The following LRRK2 variants were observed in gnomAD, a reference collection of about 807,000 sequenced individuals.
LRRK2 encodes the protein leucine rich repeat kinase 2.
A neutral mutation model predicts 302.6 loss-of-function variants in LRRK2; 203 were observed. That is an observed-to-expected ratio of 0.67 (90% CI 0.60 to 0.75). LRRK2 has a LOEUF of 0.75. Ranked by LOEUF, LRRK2 falls within the 30% of genes least tolerant of loss-of-function variation. The pLI is 0.00. For missense variants in LRRK2, 2,830 were observed against 2,951.0 expected, an observed-to-expected ratio of 0.96 and a Z score of 0.95; for synonymous variants, 1,066 against 1,031.9, an observed-to-expected ratio of 1.03 and a Z score of -0.63.
At chr12:40,300,327 T>C (rs1944577674) in intron 25 of LRRK2, among the ~76,000 whole-genome samples, 1 of 152,202 alleles carries the variant, frequency 6.6e-6, no homozygotes, top group African/African-American at 2.4e-5. Context: ...TTCATTTGTA[T>C]CCTAAATGAA....
chr12:40,249,268 T>G (rs557058846), intron 7 of LRRK2, among the ~76,000 whole-genome samples: 53 of 152,034 alleles, frequency 3.5e-4, no homozygotes, highest in African/African-American at 1.3e-3. Context: ...AGAGTGGGTA[T>G]AAAAAGGTAT....
At chr12:40,332,980 G>T (rs1449461183) in intron 39 of LRRK2, among the ~76,000 whole-genome samples, 3 of 146,604 alleles carry the variant, frequency 2.0e-5, no homozygotes, top group Non-Finnish European at 4.5e-5. Flanking sequence ...AAAAGAAAAA[G>T]ACAACAACAA....
chr12:40,308,112 G>T (rs1236892841), intron 28 of LRRK2, among the ~76,000 whole-genome samples: 1 of 152,016 alleles, frequency 6.6e-6, no homozygotes, highest in East Asian at 1.9e-4. Context: ...ACTATTTAAA[G>T]ACATTAGAAT....
intron 12 of LRRK2, 29 bp from the exon 13 acceptor site, chr12:40,259,451 C>G: frequency 1.2e-6 from 2 of 1,612,424 alleles, no homozygotes; most frequent in Non-Finnish European, 1.7e-6. Flanking sequence ...ATCAGTCTTT[C>G]AATAAGCATG....
At chr12:40,255,021 G>T (rs902112577) in intron 11 of LRRK2, among the ~76,000 whole-genome samples, 5 of 152,094 alleles carry the variant, frequency 3.3e-5, no homozygotes, top group African/African-American at 1.2e-4. Context: ...TGCGTCCTTG[G>T]AATCATGGAG....
rs66513412 is a variant in LRRK2, at chr12:40,348,202, AT to A, written c.6281-206del. ...CGTTATTTGGGTCTCTTTTTATTCC[AT>A]AAAAAAAAAATCTTTTCCACATCTC... On this transcript the variant is annotated intron_variant, in intron 42 of 50. Transcript: ENST00000298910. Among the ~76,000 whole-genome samples the A allele has an allele frequency of 0.5, 75,429 of 151,602 alleles. 18,835 individuals carry two copies. The highest frequency in any genetic ancestry group is 0.59 in the South Asian group (2,842 of 4,818).
intron 34 of LRRK2, 29 bp downstream of exon 34, chr12:40,320,204 T>A (rs201582886): frequency 1.3e-5 from 20 of 1,549,304 alleles, no homozygotes; most frequent in Non-Finnish European, 1.8e-5. Context: ...AATTAATTGC[T>A]ACATGGAAAT....
At chr12:40,346,513 TA>T (rs1276507589) in intron 41 of LRRK2, among the ~76,000 whole-genome samples, 1 of 152,242 alleles carries the variant, frequency 6.6e-6, no homozygotes. Context: ...AGATTGAAGA[TA>T]TTTATAATAA....
intron 2 of LRRK2, among the ~76,000 whole-genome samples, chr12:40,228,433 C>CTTTTTT (rs35333613): frequency 1.0e-4 from 2 of 19,316 alleles, no homozygotes; most frequent in African/African-American, 2.5e-4. Context: ...AAAAATAAGA[C>CTTTTTT]TTTTTTTTTT....
intron 43 of LRRK2, among the ~76,000 whole-genome samples, chr12:40,349,321 C>T (rs1280096590): frequency 6.6e-6 from 1 of 152,084 alleles, no homozygotes; most frequent in Non-Finnish European, 1.5e-5. Context: ...ATAATGATCT[C>T]CTCTCCCTAT....
At chr12:40,298,645 A>G in intron 24 of LRRK2, 152 bp downstream of exon 24, 1 of 953,540 alleles carries the variant, frequency 1.0e-6, no homozygotes. Context: ...GGTGGTGCGC[A>G]CCTTATAATC....
chr12:40,302,811 T>A lies in LRRK2; in HGVS notation c.3519T>A (p.Pro1173=). ...TAGCTGCTATGCCTTTCTTGCCTCC[T>A]TCTATGACAATCCTAAAATTATCTC... ...NFLAAMPFLP[P]SMTILKLSQN... Residue 1173 remains proline, a synonymous_variant, in exon 26 of 51, where the codon CCT becomes CCA. Transcript: ENST00000298910. 1 of 1,610,932 alleles carries A rather than the reference T, an allele frequency of 6.2e-7. No homozygotes were observed. Among genetic ancestry groups the A allele is most frequent in the Non-Finnish European group, 8.5e-7 (1 of 1,177,552 alleles).
At position 40,231,984 on chromosome 12, in the gene LRRK2, A is replaced by G. The variant is rs553535783; in HGVS notation, c.238-290A>G. ...ATGCCTGGCTAATTTTTGTATTTTT[A>G]GTAGAGACTGGGTTTCACCATCTTG... On this transcript the variant is annotated intron_variant, in intron 2 of 50. Coordinates refer to ENST00000298910, the MANE Select transcript of LRRK2 (RefSeq NM_198578.4). Among the ~76,000 whole-genome samples the G allele has an allele frequency of 2.0e-5, 3 of 151,746 alleles. No homozygotes were observed. The South Asian group carries it at 6.2e-4, about 32-fold the overall frequency.
intron 4 of LRRK2, 79 bp downstream of exon 4, chr12:40,235,793 G>GTGT (rs1555173379): frequency 8.6e-5 from 40 of 464,444 alleles, no homozygotes; most frequent in Middle Eastern, 6.2e-4. Context: ...GTGTGTGTGT[G>GTGT]TTTTTTTTTT....
intron 25 of LRRK2, 22 bp downstream of exon 25, chr12:40,299,279 C>T (rs199979399): frequency 3.4e-5 from 55 of 1,612,252 alleles, no homozygotes; most frequent in South Asian, 5.5e-5. Context: ...GTGTGGGTCT[C>T]CTCCTTACCA....
chr12:40,242,231 AT>A (rs911294585), intron 6 of LRRK2, among the ~76,000 whole-genome samples: 27 of 151,830 alleles, frequency 1.8e-4, no homozygotes, highest in Admixed American at 8.5e-4. Flanking sequence ...TACGTTGTTA[AT>A]TTTTTTTCTA....
chr12:40,290,567 T>A lies in LRRK2; in HGVS notation c.2690-2978T>A, dbSNP rs1413555265. On this transcript the variant is annotated intron_variant, in intron 20 of 50. Transcript: ENST00000298910. ...TTTAGAATTATGAATTTAATAACTT[T>A]GATAGATGTATGATTATTTTAATTT... 2.0e-5 allele frequency among the ~76,000 whole-genome samples: 3 copies of A among 152,074 alleles called. No individual in the cohort carries two copies. In the East Asian group the frequency reaches 5.8e-4, roughly 29 times the overall value.
Position 40,328,469 on chromosome 12 carries a change from T to C in LRRK2, c.5757+9T>C. The C allele has an allele frequency of 6.4e-7, 1 of 1,553,836 alleles. No homozygotes were observed. The highest frequency in any genetic ancestry group is 8.9e-7 in the Non-Finnish European group (1 of 1,128,676). ...TCAGGCTGTTAAGACAAGTAAGAAA[T>C]TCAATAATATAATTATATTAAATTG... On this transcript the variant is annotated intron_variant, in intron 39 of 50. Coordinates refer to ENST00000298910, the MANE Select transcript of LRRK2 (RefSeq NM_198578.4).
intron 14 of LRRK2, among the ~76,000 whole-genome samples, chr12:40,270,734 C>G (rs938697474): frequency 2.6e-5 from 4 of 152,074 alleles, no homozygotes; most frequent in Non-Finnish European, 4.4e-5. Context: ...TATCCTCATT[C>G]TAGCTATACA....
Sources: gnomAD v4.1 joint callset for allele counts (sites outside exome capture counted in the v4.1 genomes callset) on GRCh38, gnomAD v4.1.1 for gene constraint, MANE v1.5 for transcripts, NCBI Gene and HGNC (gene_info 2026-07-23, HGNC 2026-07-21) for gene names.